ZFPM2: variants seen among roughly 807,000 people sequenced by gnomAD.
ZFPM2 encodes the protein zinc finger protein ZFPM2.
Under a neutral mutation model 98.6 loss-of-function variants are expected in ZFPM2, and 20 were observed. That is an observed-to-expected ratio of 0.20 (90% confidence interval 0.14 to 0.29). The LOEUF is 0.29. ZFPM2 is among the 10% of genes least tolerant of loss of function. ZFPM2 has a pLI of 1.00. For missense variants in ZFPM2, 1,310 were observed against 1,388.6 expected (o/e 0.94, Z 0.90); for synonymous variants, 518 against 502.7 (o/e 1.03, Z -0.41).
intron 3 of ZFPM2, among the ~76,000 whole-genome samples, chr8:105,491,864 T>C (rs946766752): frequency 6.6e-6 from 1 of 152,198 alleles, no homozygotes; most frequent in Non-Finnish European, 1.5e-5. Context: ...ATTGATTTTT[T>C]AAAAGAATGT....
intron 6 of ZFPM2, among the ~76,000 whole-genome samples, chr8:105,794,571 C>T (rs1171273540): frequency 5.3e-5 from 8 of 152,242 alleles, no homozygotes; most frequent in Non-Finnish European, 5.9e-5. Flanking sequence ...GTTCTCAGAT[C>T]TCCAGCTGCA....
At chr8:105,734,207 A>G (rs6469013) in intron 5 of ZFPM2, among the ~76,000 whole-genome samples, 57,638 of 151,748 alleles carry the variant, frequency 0.38, 11,839 homozygotes, top group African/African-American at 0.55. Context: ...GTTATGAGGT[A>G]TTTTATCTAG....
intron 3 of ZFPM2, among the ~76,000 whole-genome samples, chr8:105,489,187 A>G (rs1037583265): frequency 2.0e-5 from 3 of 151,934 alleles, no homozygotes; most frequent in Non-Finnish European, 4.4e-5. Flanking sequence ...CACCACTGCC[A>G]CTGTGTCACC....
At chr8:105,620,554 A>G (rs572502045) in intron 4 of ZFPM2, among the ~76,000 whole-genome samples, 4 of 152,178 alleles carry the variant, frequency 2.6e-5, no homozygotes, top group Admixed American at 2.6e-4. Context: ...CCATTTGTCT[A>G]TTTTGGCTTT....
At chr8:105,705,582 T>C (rs1394630363) in intron 5 of ZFPM2, among the ~76,000 whole-genome samples, 2 of 152,168 alleles carry the variant, frequency 1.3e-5, no homozygotes, top group Admixed American at 1.3e-4. Flanking sequence ...AAGATAAAAA[T>C]ATCAGCTTTA....
chr8:105,524,263 A>G (rs1431126911), intron 3 of ZFPM2, among the ~76,000 whole-genome samples: 1 of 152,168 alleles, frequency 6.6e-6, no homozygotes, highest in African/African-American at 2.4e-5. Context: ...GTTGGTTTTT[A>G]TGACCATAAA....
intron 3 of ZFPM2, among the ~76,000 whole-genome samples, chr8:105,554,505 T>G (rs1259613810): frequency 6.6e-6 from 1 of 152,204 alleles, no homozygotes; most frequent in African/African-American, 2.4e-5. Context: ...TACCATGATG[T>G]ATAATGTCTT....
chr8:105,752,971 T>C (rs1812512348), intron 5 of ZFPM2, among the ~76,000 whole-genome samples: 1 of 152,104 alleles, frequency 6.6e-6, no homozygotes, highest in African/African-American at 2.4e-5. Context: ...AATCCCTTTC[T>C]CACTGCATAA....
At chr8:105,359,662 C>A (rs1312026248) in intron 1 of ZFPM2, among the ~76,000 whole-genome samples, 1 of 152,264 alleles carries the variant, frequency 6.6e-6, no homozygotes, top group East Asian at 1.9e-4. Flanking sequence ...GCGTGAGCCA[C>A]CGCGCCCGGC....
chr8:105,788,850 G>T lies in ZFPM2; in HGVS notation c.665G>T (p.Arg222Leu). Residue 222 changes from arginine (R) to leucine (L), a missense_variant, in exon 6 of 8, where the codon CGC (arginine) becomes CTC (leucine). Transcript: ENST00000407775. Reference protein sequence around the residue: ...MTLTEGMYPARLLDSIQLLPQ... With the variant: ...MTLTEGMYPALLLDSIQLLPQ... Reference sequence around the variant, plus strand: ...CTCACAGAAGGGATGTACCCTGCACGCCTGCTGGACTCAATTCAGCTGCTT... The same window carrying T: ...CTCACAGAAGGGATGTACCCTGCACTCCTGCTGGACTCAATTCAGCTGCTT... 1 of 1,613,890 alleles carries T rather than the reference G, an allele frequency of 6.2e-7. No homozygotes were observed. The highest frequency in any genetic ancestry group is 8.5e-7 in the Non-Finnish European group (1 of 1,179,858).
At chr8:105,485,239 G>T (rs1813206882) in intron 3 of ZFPM2, among the ~76,000 whole-genome samples, 1 of 152,092 alleles carries the variant, frequency 6.6e-6, no homozygotes, top group South Asian at 2.1e-4. Flanking sequence ...AGCCTGCAGG[G>T]AGCAGCAGCA....
At chr8:105,624,972 G>A (rs981575139) in intron 4 of ZFPM2, among the ~76,000 whole-genome samples, 7 of 152,034 alleles carry the variant, frequency 4.6e-5, no homozygotes, top group Non-Finnish European at 7.4e-5. Context: ...CATTCTACTC[G>A]AAGACATTTG....
intron 1 of ZFPM2, among the ~76,000 whole-genome samples, chr8:105,407,521 G>T (rs1264241022): frequency 6.6e-6 from 1 of 151,908 alleles, no homozygotes; most frequent in Admixed American, 6.6e-5. Flanking sequence ...GGATTTAAGA[G>T]CAACATGAAT....
At chr8:105,521,195 T>A (rs896438280) in intron 3 of ZFPM2, among the ~76,000 whole-genome samples, 2 of 151,238 alleles carry the variant, frequency 1.3e-5, no homozygotes, top group Non-Finnish European at 2.9e-5. Flanking sequence ...CTCCCCCCCA[T>A]ACACACACGG....
intron 1 of ZFPM2, among the ~76,000 whole-genome samples, chr8:105,369,896 A>G (rs766333667): frequency 6.6e-6 from 1 of 152,218 alleles, no homozygotes; most frequent in Non-Finnish European, 1.5e-5. Context: ...ACACATACAA[A>G]TAATAAATAT....
At chr8:105,666,666 G>A (rs1305669902) in intron 5 of ZFPM2, among the ~76,000 whole-genome samples, 2 of 152,138 alleles carry the variant, frequency 1.3e-5, no homozygotes, top group Non-Finnish European at 2.9e-5. Context: ...ATTACTAAGA[G>A]GTTTTTTGCC....
intron 5 of ZFPM2, among the ~76,000 whole-genome samples, chr8:105,653,872 T>C (rs1318976874): frequency 2.2e-5 from 3 of 139,282 alleles, no homozygotes; most frequent in African/African-American, 7.9e-5. Context: ...TTTTTTTTTT[T>C]TTTTTTTTTT....
chr8:105,795,783 G>A, intron 6 of ZFPM2: 1 of 489,310 alleles, frequency 2.0e-6, no homozygotes, highest in Admixed American at 2.1e-5. Flanking sequence ...CACAAAATCA[G>A]TCGTCTGGAG....
chr8:105,729,046 A>G (rs752642209), intron 5 of ZFPM2, among the ~76,000 whole-genome samples: 39 of 151,708 alleles, frequency 2.6e-4, no homozygotes, highest in Non-Finnish European at 3.4e-4. Flanking sequence ...CTGTAATGCT[A>G]TATATCTGAT....
Sources: allele counts gnomAD v4.1 joint callset (sites outside exome capture counted in the v4.1 genomes callset), GRCh38; gene constraint gnomAD v4.1.1; transcripts MANE v1.5; gene names NCBI Gene and HGNC (gene_info 2026-07-23, HGNC 2026-07-21).